Variants in VPS8 observed in about 807,000 individuals in gnomAD.
The protein encoded by VPS8 is vacuolar protein sorting-associated protein 8 homolog.
Under a neutral mutation model 216.4 loss-of-function variants are expected in VPS8, and 129 were observed. The observed-to-expected ratio is 0.60, with a 90% CI of 0.52 to 0.69. VPS8 has a LOEUF of 0.69. VPS8 is among the 30% of genes least tolerant of loss of function. The probability of loss-of-function intolerance (pLI) is 0.00; values close to 1 mark genes in which losing one functional copy is unlikely to be tolerated. For missense variants in VPS8, 1,531 were observed against 1,683.5 expected (o/e 0.91, Z 1.59); for synonymous variants, 571 against 565.4 (o/e 1.01, Z -0.14).
At chr3:184,812,542 C>T (rs1715360039) in intron 1 of VPS8, 1 of 152,234 alleles carries the variant, frequency 6.6e-6, no homozygotes, top group African/African-American at 2.4e-5. Context: ...TTTATTGGCT[C>T]CAAACCTGGA....
At chr3:184,887,963 A>G (rs1578087552) in intron 22 of VPS8, among the ~76,000 whole-genome samples, 3 of 151,708 alleles carry the variant, frequency 2.0e-5, no homozygotes, top group Non-Finnish European at 2.9e-5. Flanking sequence ...TCGTGTTTAC[A>G]GTAGGGATCT....
chr3:184,885,169 C>T (rs919215916), intron 21 of VPS8, among the ~76,000 whole-genome samples: 4 of 152,238 alleles, frequency 2.6e-5, no homozygotes, highest in Admixed American at 6.5e-5. Flanking sequence ...AATAAGAGTT[C>T]CTTAGTTTTG....
intron 40 of VPS8, among the ~76,000 whole-genome samples, chr3:184,978,687 C>T (rs1428225909): frequency 6.6e-6 from 1 of 152,142 alleles, no homozygotes; most frequent in African/African-American, 2.4e-5. Flanking sequence ...TGTGAGCCAT[C>T]GCACCTGGCC....
intron 22 of VPS8, chr3:184,893,275 G>C (rs961179317): frequency 7.0e-6 from 9 of 1,288,036 alleles, no homozygotes; most frequent in South Asian, 1.2e-5. Flanking sequence ...CCTTTCAGGA[G>C]CTTCCTTGAT....
chr3:184,902,615 A>G (rs2108998269), intron 25 of VPS8, among the ~76,000 whole-genome samples: 1 of 151,580 alleles, frequency 6.6e-6, no homozygotes, highest in South Asian at 2.1e-4. Flanking sequence ...GCGGATCACG[A>G]GGTCAGGAGT....
chr3:184,994,123 T>A (rs188370394), intron 43 of VPS8, 60 bp downstream of exon 43: 25,717 of 1,296,518 alleles, frequency 0.02, 319 homozygotes, highest in Non-Finnish European at 0.023. Flanking sequence ...CTATTTTTTT[T>A]AATTTTGTAC....
chr3:184,890,785 A>T (rs779191796), intron 22 of VPS8, among the ~76,000 whole-genome samples: 1 of 152,140 alleles, frequency 6.6e-6, no homozygotes, highest in East Asian at 1.9e-4. Flanking sequence ...ACTTAATATC[A>T]GAAATGACAG....
chr3:184,848,051 T>A (rs989622260), intron 8 of VPS8, among the ~76,000 whole-genome samples: 4 of 152,098 alleles, frequency 2.6e-5, no homozygotes, highest in Admixed American at 6.6e-5. Context: ...TAGCTAGGAT[T>A]ACAGGTGCCC....
At chr3:184,909,834 A>G (rs1218645688) in intron 25 of VPS8, among the ~76,000 whole-genome samples, 1 of 152,062 alleles carries the variant, frequency 6.6e-6, no homozygotes, top group African/African-American at 2.4e-5. Context: ...GATATTATGA[A>G]TGTTACATTG....
intron 23 of VPS8, among the ~76,000 whole-genome samples, chr3:184,895,466 C>T (rs958894241): frequency 5.3e-5 from 8 of 151,698 alleles, no homozygotes; most frequent in South Asian, 2.1e-4. Context: ...TAAATACTTC[C>T]GCTGTATCTG....
chr3:184,938,827 A>G (rs2109309543), intron 35 of VPS8, among the ~76,000 whole-genome samples: 1 of 151,904 alleles, frequency 6.6e-6, no homozygotes, highest in Admixed American at 6.5e-5. Flanking sequence ...CAGGAGCTCA[A>G]GACCAGCCTG....
chr3:184,949,075 ATG>A (rs1744198892), intron 36 of VPS8, among the ~76,000 whole-genome samples: 1 of 152,060 alleles, frequency 6.6e-6, no homozygotes, highest in Non-Finnish European at 1.5e-5. Context: ...GGAGGCTGAG[ATG>A]GGTAGATTGC....
At chr3:184,838,647 G>C (rs1475175589) in intron 5 of VPS8, 67 bp from the exon 6 acceptor site, 1 of 1,282,744 alleles carries the variant, frequency 7.8e-7, no homozygotes, top group Non-Finnish European at 1.1e-6. Context: ...TAAAGCAAGA[G>C]CCATATACCA....
intron 45 of VPS8, among the ~76,000 whole-genome samples, chr3:185,016,766 C>T (rs570832646): frequency 1.3e-5 from 2 of 152,222 alleles, no homozygotes; most frequent in South Asian, 4.1e-4. Flanking sequence ...TGGAGAATTC[C>T]AAGGGGAAAA....
At chr3:184,888,342 A>G (rs1186261830) in intron 22 of VPS8, among the ~76,000 whole-genome samples, 4 of 152,050 alleles carry the variant, frequency 2.6e-5, no homozygotes, top group Non-Finnish European at 4.4e-5. Context: ...TACGGGAGAA[A>G]TTTCTTTCCG....
chr3:184,860,468 T>TAC (rs59791657), intron 15 of VPS8, among the ~76,000 whole-genome samples: 58,769 of 147,024 alleles, frequency 0.4, 12,447 homozygotes, highest in Non-Finnish European at 0.52. Context: ...TACACACACA[T>TAC]ACACACACAC....
At chr3:184,860,125 A>T (rs1726000888) in intron 15 of VPS8, 60 bp downstream of exon 15, 1 of 1,356,110 alleles carries the variant, frequency 7.4e-7, no homozygotes, top group Non-Finnish European at 1.0e-6. Flanking sequence ...TGAATCTATG[A>T]TATATTAAAG....
At chr3:184,957,341 A>G (rs1160930464) in intron 36 of VPS8, 33 bp from the exon 37 acceptor site, 4 of 1,577,408 alleles carry the variant, frequency 2.5e-6, no homozygotes, top group Non-Finnish European at 2.6e-6. Flanking sequence ...TAATGCTACA[A>G]TTGAGTGTTC....
intron 46 of VPS8, among the ~76,000 whole-genome samples, chr3:185,026,900 A>G (rs1757446976): frequency 6.6e-6 from 1 of 151,574 alleles, no homozygotes; most frequent in Non-Finnish European, 1.5e-5. Context: ...CAGTAGAGAC[A>G]GGATTTCACC....
Sources: allele counts gnomAD v4.1 joint callset (sites outside exome capture counted in the v4.1 genomes callset), GRCh38; gene constraint gnomAD v4.1.1; transcripts MANE v1.5; gene names NCBI Gene and HGNC (gene_info 2026-07-23, HGNC 2026-07-21).